Variants in KMT2C observed in about 807,000 individuals in gnomAD.
The protein encoded by KMT2C is histone-lysine N-methyltransferase 2C.
KMT2C carries 88 observed loss-of-function variants against 507.9 expected under a neutral mutation model. The observed-to-expected ratio is 0.17, with a 90% confidence interval of 0.15 to 0.21. KMT2C has a LOEUF of 0.21. Ranked by LOEUF, KMT2C falls within the 10% of genes least tolerant of loss-of-function variation. KMT2C has a pLI of 1.00. For missense variants in KMT2C, 4,954 were observed against 5,957.8 expected (o/e 0.83, Z 5.55); for synonymous variants, 2,049 against 2,080.8 (o/e 0.98, Z 0.42).
intron 23 of KMT2C, among the ~76,000 whole-genome samples, chr7:152,212,077 C>T (rs558780505): frequency 4.6e-5 from 7 of 151,566 alleles, no homozygotes; most frequent in South Asian, 2.1e-4. Flanking sequence ...AGAGAAGAGA[C>T]GAGACGAGGA....
chr7:152,316,859 G>C (rs747190072), intron 3 of KMT2C, among the ~76,000 whole-genome samples: 1 of 151,248 alleles, frequency 6.6e-6, no homozygotes, highest in African/African-American at 2.4e-5. Context: ...AGTTGAAAAA[G>C]AAAATTTCTT....
At chr7:152,429,494 A>G (rs1318422369) in intron 1 of KMT2C, among the ~76,000 whole-genome samples, 2 of 151,976 alleles carry the variant, frequency 1.3e-5, no homozygotes, top group African/African-American at 4.8e-5. Flanking sequence ...AACACTTCCA[A>G]TTATAAATCC....
Position 152,174,261 on chromosome 7 carries a change from G to GA in KMT2C, c.9263-20_9263-19insT, listed in dbSNP as rs2093096496. ...TCAAAATCTAGAAAAGAAATATAAA[G>GA]TTACTTATTTCATAGTAATTAGTTC... On this transcript the variant is annotated intron_variant, in intron 38 of 58. Coordinates refer to ENST00000262189, the MANE Select transcript of KMT2C (RefSeq NM_170606.3). The GA allele has an allele frequency of 7.7e-7, 1 of 1,301,042 alleles. No homozygotes were observed. The highest frequency in any genetic ancestry group is 1.1e-6 in the Non-Finnish European group (1 of 905,030). 80.6% of individuals were successfully genotyped at this position (1,301,042 alleles called of 1,614,324 possible). A position where few individuals can be genotyped will look rare whatever the true frequency, so the allele number is the denominator to read the frequency against.
Position 152,252,629 on chromosome 7 carries a change from C to T in KMT2C, c.1386G>A (p.Gln462=), listed in dbSNP as rs757765270. Residue 462 remains glutamine (Q), a synonymous_variant, in exon 10 of 59, where the codon CAG becomes CAA. Transcript: ENST00000262189. The stretch of plus-strand genomic sequence containing the variant: ...CACAGAAGGGACATAAGTTATCCTG[C>T]TGTTGGTAACAATTGTCACATATCA... ...NCLICDNCYQ[Q]QDNLCPFCGK... The T allele has an allele frequency of 3.1e-6, 5 of 1,613,358 alleles. No individual in the cohort carries two copies. The South Asian group carries it at 5.5e-5, about 18-fold the overall frequency.
rs572492684 is a variant in KMT2C at position 152,203,312 on chromosome 7, A to G, written c.3962-248T>C. Among the ~76,000 whole-genome samples the G allele has an allele frequency of 1.5e-4, 23 of 152,052 alleles. No homozygotes were observed. In the East Asian group the frequency reaches 4.0e-3, roughly 27 times the overall value. Reference sequence around the variant, plus strand: ...TTACAAAGCAAAAACGTATTTATTTAAACATATTTTGTTAAAGAGTAAAAT... The same window carrying G: ...TTACAAAGCAAAAACGTATTTATTTGAACATATTTTGTTAAAGAGTAAAAT... On this transcript the variant is annotated intron_variant, in intron 25 of 58. Transcript: ENST00000262189.
intron 42 of KMT2C, among the ~76,000 whole-genome samples, chr7:152,165,561 T>C (rs562597727): frequency 4.2e-4 from 64 of 152,378 alleles, no homozygotes; most frequent in African/African-American, 1.5e-3. Context: ...ACTGGAATTA[T>C]GATCACCTTA....
rs2116822090 is a variant in KMT2C, at chr7:152,435,771, C to G, written c.16G>C (p.Asp6His). ...GGCTGCGGCTGCTCCACGCTCTTGT[C>G]CTCCTCCGACGACATCCTAGTCACC... is the stretch of plus-strand genomic sequence containing the variant. MSSEEDKSVEQPQPPP... is the reference protein window; with the variant it reads MSSEEHKSVEQPQPPP... The change falls in exon 1 of 59, where the codon GAC becomes CAC. Residue 6 changes from aspartate (D) to histidine (H), a missense_variant. Coordinates refer to ENST00000262189, the MANE Select transcript of KMT2C (RefSeq NM_170606.3). 1 of 1,456,572 alleles carries G rather than the reference C, an allele frequency of 6.9e-7. No individual in the cohort carries two copies. The highest frequency in any genetic ancestry group is 1.5e-5 in the African/African-American group (1 of 67,696). 90.2% of individuals were successfully genotyped at this position (1,456,572 alleles called of 1,614,324 possible).
intron 1 of KMT2C, among the ~76,000 whole-genome samples, chr7:152,399,905 G>A (rs936773509): frequency 6.6e-6 from 1 of 151,658 alleles, no homozygotes; most frequent in African/African-American, 2.4e-5. Flanking sequence ...AAGTAGAAGA[G>A]ATGGCCAGAC....
intron 1 of KMT2C, among the ~76,000 whole-genome samples, chr7:152,370,809 A>G (rs185473434): frequency 1.6e-4 from 24 of 152,334 alleles, no homozygotes; most frequent in Non-Finnish European, 3.2e-4. Context: ...GGTCTTTGTA[A>G]TAATTTTATC....
chr7:152,265,442 A>G (rs1588709448), intron 7 of KMT2C, among the ~76,000 whole-genome samples: 1 of 152,184 alleles, frequency 6.6e-6, no homozygotes, highest in Non-Finnish European at 1.5e-5. Flanking sequence ...ATTTGTGGCT[A>G]TATCTACTTG....
At chr7:152,292,155 A>G (rs927938979) in intron 6 of KMT2C, among the ~76,000 whole-genome samples, 15 of 152,214 alleles carry the variant, frequency 9.9e-5, no homozygotes, top group Non-Finnish European at 1.8e-4. Context: ...GTCTTCTAGC[A>G]TAATAAATAT....
chr7:152,255,108 CTTATATATATATATATATAT>C (rs1179929669), intron 9 of KMT2C, among the ~76,000 whole-genome samples: 2 of 60,674 alleles, frequency 3.3e-5, no homozygotes, highest in African/African-American at 6.9e-5. Flanking sequence ...TCAACTCTCA[CTTATATATATATATATATAT>C]ATATATATAT....
intron 5 of KMT2C, 146 bp from the exon 6 acceptor site, chr7:152,310,221 T>C (rs1292540229): frequency 1.7e-6 from 1 of 597,718 alleles, no homozygotes; most frequent in Non-Finnish European, 2.9e-6. Flanking sequence ...AAGTGGCCCT[T>C]CTAAAAATGT....
At position 152,412,264 on chromosome 7, in the gene KMT2C, C is replaced by T. The variant is rs2097691932; in HGVS notation, c.161+23362G>A. Among the ~76,000 whole-genome samples the T allele has an allele frequency of 2.0e-5, 3 of 152,150 alleles. No individual in the cohort carries two copies. In the South Asian group the frequency reaches 6.2e-4, roughly 32 times the overall value. The stretch of plus-strand genomic sequence containing the variant: ...AAAAATCCAAAAATTAGCCGGGCAT[C>T]GTGGCAGGAACCTGTAATCCCAGCT... On this transcript the variant is annotated intron_variant, in intron 1 of 58. Transcript: ENST00000262189.
intron 1 of KMT2C, among the ~76,000 whole-genome samples, chr7:152,413,532 T>C (rs980327450): frequency 6.6e-6 from 1 of 152,156 alleles, no homozygotes; most frequent in Non-Finnish European, 1.5e-5. Context: ...TGTAACTAAC[T>C]TCAACTATGA....
intron 28 of KMT2C, 194 bp downstream of exon 28, chr7:152,195,713 T>C (rs1221201619): frequency 1.5e-5 from 4 of 262,060 alleles, no homozygotes; most frequent in Non-Finnish European, 1.8e-5. Context: ...ACGACAGAAA[T>C]TAACTAACTT....
chr7:152,157,922 G>A (rs1360255495), intron 44 of KMT2C: 1 of 1,326,246 alleles, frequency 7.5e-7, no homozygotes, highest in African/African-American at 1.5e-5. Context: ...AGCAGAGAGA[G>A]CTGCTATTAA....
At chr7:152,162,073 TAAAAC>T (rs748582685) in intron 43 of KMT2C, 39 bp downstream of exon 43, 1 of 1,497,146 alleles carries the variant, frequency 6.7e-7, no homozygotes. Context: ...AAGTATAATT[TAAAAC>T]AAAAGAAAAA....
Position 152,194,036 on chromosome 7 carries a change from T to C in KMT2C, c.4633A>G (p.Thr1545Ala), listed in dbSNP as rs751850429. 1.9e-6 allele frequency: 3 copies of C among 1,580,506 alleles called. No homozygotes were observed. The highest frequency in any genetic ancestry group is 1.4e-5 in the African/African-American group (1 of 72,916). The change falls in exon 31 of 59, where the codon ACA becomes GCA. Residue 1545 changes from threonine to alanine, a missense_variant. Physicochemically the swap from Thr to Ala is moderately conservative, Grantham distance 58. Transcript: ENST00000262189. ...PTPLPQPPPP[T>A]QLLPIHNQDA... ...TGATTGTGTATTGGCAACAGCTGTG[T>C]TGGTGGGGGAGGCTGTGGCAATGGA... is the stretch of plus-strand genomic sequence containing the variant.
Sources: gnomAD v4.1 joint callset for allele counts (sites outside exome capture counted in the v4.1 genomes callset) on GRCh38, gnomAD v4.1.1 for gene constraint, MANE v1.5 for transcripts, NCBI Gene and HGNC (gene_info 2026-07-23, HGNC 2026-07-21) for gene names.